The following RASGRP2 variants were observed in gnomAD, a reference collection of about 807,000 sequenced individuals.
RASGRP2 encodes RAS guanyl-releasing protein 2.
Under a neutral mutation model 71.0 loss-of-function variants are expected in RASGRP2, and 44 were observed. The observed-to-expected ratio is 0.62, with a 90% CI of 0.49 to 0.80. RASGRP2 has a LOEUF of 0.80. RASGRP2 is among the 30% of genes least tolerant of loss of function. The pLI is 0.00. For synonymous variants in RASGRP2, 350 were observed against 330.7 expected, an observed-to-expected ratio of 1.06 and a Z score of -0.63; for missense variants, 663 against 813.4, an observed-to-expected ratio of 0.82 and a Z score of 2.25.
chr11:64,740,473 A>T, intron 5 of RASGRP2: 1 of 631,948 alleles, frequency 1.6e-6, no homozygotes, highest in East Asian at 3.5e-5. Flanking sequence ...ACACAGAAAC[A>T]CATGATCACA....
intron 5 of RASGRP2, 30 bp from the exon 6 acceptor site, chr11:64,740,193 C>T (rs1470973286): frequency 6.2e-7 from 1 of 1,613,614 alleles, no homozygotes; most frequent in African/African-American, 1.3e-5. Flanking sequence ...GAGCCCTTTG[C>T]TGGACATGCG....
rs781003927 is a variant in RASGRP2 at position 64,740,166 on chromosome 11, G to C, written c.372-3C>G. 2.5e-6 allele frequency: 4 copies of C among 1,613,552 alleles called. No individual in the cohort carries two copies. The highest frequency in any genetic ancestry group is 2.5e-6 in the Non-Finnish European group (3 of 1,179,790). The stretch of plus-strand genomic sequence containing the variant: ...GCCGCTTCCACTTGTAGGTAGGGCT[G>C]GGGGGGCAGGGGTAGTGAGCCCTTT... On this transcript the variant is annotated splice_region_variant and splice_polypyrimidine_tract_variant and intron_variant, in intron 5 of 16. Coordinates refer to ENST00000394432, the MANE Select transcript of RASGRP2 (RefSeq NM_001098671.2).
At chr11:64,741,104 G>A in intron 4 of RASGRP2, 25 bp from the exon 5 acceptor site, 2 of 1,609,640 alleles carry the variant, frequency 1.2e-6, no homozygotes, top group Non-Finnish European at 1.7e-6. Context: ...AGTCACCCAA[G>A]ATAGCCCTTC....
Position 64,735,365 on chromosome 11 carries a change from C to T in RASGRP2, c.1297-138G>A. The T allele has an allele frequency of 7.6e-7, 1 of 1,312,222 alleles. No homozygotes were observed. The highest frequency in any genetic ancestry group is 1.2e-5 in the South Asian group (1 of 83,686). The allele number at this position is 1,312,222 out of a possible 1,614,324, so 81.3% of individuals were successfully genotyped here. On this transcript the variant is annotated intron_variant, in intron 11 of 16. Transcript: ENST00000394432. This position sits in a 1 kb window ranked among gnomAD's most constrained non-coding sequence, Gnocchi z 4.2. ...TCTCTGACACCACCCCCGTTCCATACCTCCACCCCCACCCTACCCAGGGGC... is the reference window on the plus strand; with the variant it reads ...TCTCTGACACCACCCCCGTTCCATATCTCCACCCCCACCCTACCCAGGGGC...
rs1281735696 is a variant in RASGRP2 at position 64,735,122 on chromosome 11, C to T, written c.1402G>A (p.Asp468Asn). 2.5e-6 allele frequency: 4 copies of T among 1,613,562 alleles called. No homozygotes were observed. Among genetic ancestry groups the T allele is most frequent in the Non-Finnish European group, 2.5e-6 (3 of 1,179,618 alleles). Residue 468 changes from aspartate to asparagine, a missense_variant, in exon 12 of 17, where the codon GAC (aspartate) becomes AAC (asparagine). Physicochemically the swap from Asp to Asn is conservative, Grantham distance 23. Coordinates refer to ENST00000394432, the MANE Select transcript of RASGRP2 (RefSeq NM_001098671.2). The surrounding 1 kb of genome is among the most constrained non-coding windows in gnomAD (Gnocchi z 4.2). Reference sequence around the variant, plus strand: ...CCCAGCCCTCCTCACTGGTTCTGGTCGAGGTCCCCAAAGGCGCTGAGGTAA... The same window carrying T: ...CCCAGCCCTCCTCACTGGTTCTGGTTGAGGTCCCCAAAGGCGCTGAGGTAA... Reference protein sequence around the residue: ...FPYLSAFGDLDQNQDGCISRE... With the variant: ...FPYLSAFGDLNQNQDGCISRE...
chr11:64,730,210 G>T lies in RASGRP2; in HGVS notation c.1413-16C>A. 6.4e-7 allele frequency: 1 copy of T among 1,551,504 alleles called. No homozygotes were observed. The highest frequency in any genetic ancestry group is 8.7e-7 in the Non-Finnish European group (1 of 1,147,006). On this transcript the variant is annotated splice_polypyrimidine_tract_variant and intron_variant, in intron 12 of 16. Transcript: ENST00000394432. ...GCAGCCATCCCTGTGGGGAGTTGCG[G>T]GGGCGCTTCAGCTCGGGCCCTCCCC...
At chr11:64,730,359 G>A (rs1565500729) in intron 12 of RASGRP2, among the ~76,000 whole-genome samples, 165 bp from the exon 13 acceptor site, 1 of 152,236 alleles carries the variant, frequency 6.6e-6, no homozygotes, top group Non-Finnish European at 1.5e-5. Flanking sequence ...AGGCAGATGT[G>A]GGAAGTGCCG....
chr11:64,728,726 C>T (rs2057657195), intron 15 of RASGRP2, 137 bp downstream of exon 15: 1 of 1,025,040 alleles, frequency 9.8e-7, no homozygotes, highest in Non-Finnish European at 1.4e-6. Flanking sequence ...AGCCACCGCG[C>T]CCGGCCTGTC....
chr11:64,741,541 G>C, intron 3 of RASGRP2, 40 bp from the exon 4 acceptor site: 1 of 1,504,728 alleles, frequency 6.6e-7, no homozygotes, highest in South Asian at 1.2e-5. Flanking sequence ...ACTCTAGAAA[G>C]GGAGGCCTGC....
chr11:64,738,565 A>G (rs2058021655), intron 8 of RASGRP2, among the ~76,000 whole-genome samples: 1 of 151,868 alleles, frequency 6.6e-6, no homozygotes, highest in South Asian at 2.1e-4. Context: ...TCAGCCTCCC[A>G]AGTAGCTTGG....
chr11:64,743,997 A>T lies in RASGRP2; in HGVS notation c.-72+6T>A, dbSNP rs1480208472. 5 of 987,734 alleles carry T rather than the reference A, an allele frequency of 5.1e-6. No individual in the cohort carries two copies. The highest frequency in any genetic ancestry group is 6.0e-6 in the Non-Finnish European group (5 of 830,758). The allele number at this position is 987,734 out of a possible 1,614,324, so 61.2% of individuals were successfully genotyped here. ...CCTGCACGAAGAAACCCTCAGGCAC[A>T]CATACCCAGCTCGTCCACCCCAGAA... On this transcript the variant is annotated splice_donor_region_variant and intron_variant, in intron 1 of 16. Transcript: ENST00000394432. This position sits in a 1 kb window ranked among gnomAD's most constrained non-coding sequence, Gnocchi z 4.9.
rs1014347153 is a variant in RASGRP2, at chr11:64,735,702, A to T, written c.1174-38T>A. On this transcript the variant is annotated intron_variant, in intron 10 of 16. Transcript: ENST00000394432. The surrounding 1 kb of genome is among the most constrained non-coding windows in gnomAD (Gnocchi z 4.2). ...TCGGGCCTGAGCTAGGGCCAGAGGC[A>T]GGGGAAGCCCAGAGCCCCGGGGAAC... is the stretch of plus-strand genomic sequence containing the variant. 1 of 1,591,748 alleles carries T rather than the reference A, an allele frequency of 6.3e-7. No homozygotes were observed. The highest frequency in any genetic ancestry group is 8.5e-7 in the Non-Finnish European group (1 of 1,170,602).
chr11:64,733,847 T>C (rs1346363938), intron 12 of RASGRP2, among the ~76,000 whole-genome samples: 1 of 43,800 alleles, frequency 2.3e-5, no homozygotes, highest in African/African-American at 4.6e-5. Flanking sequence ...TTCTTCCTTT[T>C]TTTTTCTTTT....
rs1422853775 is a variant in RASGRP2, at chr11:64,735,989, C to T, written c.1096-9G>A. ...TACTGATCCAGAGACACCTGGGACACACAGATCTGATCACCCCCACTGGCC... is the reference window on the plus strand; with the variant it reads ...TACTGATCCAGAGACACCTGGGACATACAGATCTGATCACCCCCACTGGCC... On this transcript the variant is annotated splice_polypyrimidine_tract_variant and intron_variant, in intron 9 of 16. Coordinates refer to ENST00000394432, the MANE Select transcript of RASGRP2 (RefSeq NM_001098671.2). The surrounding 1 kb of genome is among the most constrained non-coding windows in gnomAD (Gnocchi z 4.2). 26 of 1,613,140 alleles carry T rather than the reference C, an allele frequency of 1.6e-5. No individual in the cohort carries two copies. The highest frequency in any genetic ancestry group is 1.6e-4 in the Middle Eastern group (1 of 6,082).
chr11:64,735,138 G>A lies in RASGRP2; in HGVS notation c.1386C>T (p.Ser462=), dbSNP rs145230586. Residue 462 remains serine (S), a synonymous_variant, in exon 12 of 17, where the codon AGC becomes AGT. Coordinates refer to ENST00000394432, the MANE Select transcript of RASGRP2 (RefSeq NM_001098671.2). The surrounding 1 kb of genome is among the most constrained non-coding windows in gnomAD (Gnocchi z 4.2). ...GGTTCTGGTCGAGGTCCCCAAAGGC[G>A]CTGAGGTAAGGGAAGTTCCCACGGA... ...QIIRGNFPYL[S]AFGDLDQNQD... is the part of the protein sequence containing the mutation. 1.5e-4 allele frequency: 237 copies of A among 1,614,006 alleles called. No homozygotes were observed. Among genetic ancestry groups the A allele is most frequent in the Non-Finnish European group, 1.8e-4 (215 of 1,179,976 alleles).
In RASGRP2 at chr11:64,729,818, G is replaced by A. The variant is rs748271890; in HGVS notation, c.1555-20C>T. ...CAGGATCTGCAATAGAGGAGGGGCCGTGGTGGGAGGAGGGATTTAGAGGTG... is the reference window on the plus strand; with the variant it reads ...CAGGATCTGCAATAGAGGAGGGGCCATGGTGGGAGGAGGGATTTAGAGGTG... On this transcript the variant is annotated intron_variant, in intron 13 of 16. Coordinates refer to ENST00000394432, the MANE Select transcript of RASGRP2 (RefSeq NM_001098671.2). 1.9e-6 allele frequency: 3 copies of A among 1,613,846 alleles called. No individual in the cohort carries two copies. The highest frequency in any genetic ancestry group is 2.5e-6 in the Non-Finnish European group (3 of 1,179,704).
rs781380492 is a variant in RASGRP2 at position 64,727,370 on chromosome 11, G to C, written c.1772-10C>G. 1.2e-6 allele frequency: 2 copies of C among 1,613,522 alleles called. No homozygotes were observed. The highest frequency in any genetic ancestry group is 1.7e-6 in the Non-Finnish European group (2 of 1,179,666). On this transcript the variant is annotated splice_polypyrimidine_tract_variant and intron_variant, in intron 15 of 16. Transcript: ENST00000394432. The stretch of plus-strand genomic sequence containing the variant: ...TCCTCCTCACGGATCTCTGCTGGGA[G>C]GGGGATTGCTGCAGAACACACTTCC...
At position 64,740,070 on chromosome 11, in the gene RASGRP2, G is replaced by C; in HGVS notation, c.465C>G (p.Pro155=). Residue 155 remains proline, a synonymous_variant, in exon 6 of 17, where the codon CCC becomes CCG. Transcript: ENST00000394432. The stretch of plus-strand genomic sequence containing the variant: ...AGGTGAGATGCTCCGCCAGCTCCAT[G>C]GGCTCCAGGTGGTCAAACAACAGGG... ...KMSLLFDHLE[P]MELAEHLTYL... 6.2e-7 allele frequency: 1 copy of C among 1,614,162 alleles called. No homozygotes were observed. The highest frequency in any genetic ancestry group is 8.5e-7 in the Non-Finnish European group (1 of 1,180,020).
intron 15 of RASGRP2, 85 bp from the exon 16 acceptor site, chr11:64,727,445 C>T: frequency 7.8e-7 from 1 of 1,283,150 alleles, no homozygotes; most frequent in South Asian, 1.2e-5. Flanking sequence ...GAGGCATCCA[C>T]ATCATCCCAG....
Sources: gnomAD v4.1 joint callset for allele counts (sites outside exome capture counted in the v4.1 genomes callset) on GRCh38, gnomAD v4.1.1 for gene constraint, Gnocchi (gnomAD v3.1) non-coding constraint, MANE v1.5 for transcripts, NCBI Gene and HGNC (gene_info 2026-07-23, HGNC 2026-07-21) for gene names.